Variants in PPP2R5D observed in about 807,000 individuals in gnomAD.
The protein encoded by PPP2R5D is protein phosphatase 2 regulatory subunit B'delta, also known as serine/threonine-protein phosphatase 2A 56 kDa regulatory subunit delta isoform.
In PPP2R5D, 12 loss-of-function variants were observed where a neutral mutation model predicts 79.1. The ratio of observed to expected loss-of-function variants is 0.15; its 90% CI spans 0.10 to 0.25. The LOEUF is 0.25. Among genes scored for constraint, PPP2R5D ranks in the 10% least tolerant of loss-of-function variants. The pLI, the probability that PPP2R5D is intolerant of heterozygous loss-of-function variation, is 1.00. For missense variants in PPP2R5D, 419 were observed against 760.2 expected (o/e 0.55, Z 5.28); for synonymous variants, 277 against 286.6 (o/e 0.97, Z 0.34).
At chr6:42,992,647 C>A (rs1313628496) in intron 2 of PPP2R5D, among the ~76,000 whole-genome samples, 1 of 151,862 alleles carries the variant, frequency 6.6e-6, no homozygotes, top group African/African-American at 2.4e-5. Flanking sequence ...GACCCTGTCT[C>A]TACAAAAAAA....
rs372983071 is a variant in PPP2R5D at position 43,011,298 on chromosome 6, C to G, written c.*12C>G. ...AGGAGGCTCTCTGACCCCTCACGTTCCTACCACAGGGCCACAGCCCACACA... is the reference window on the plus strand; with the variant it reads ...AGGAGGCTCTCTGACCCCTCACGTTGCTACCACAGGGCCACAGCCCACACA... On this transcript the variant is annotated 3_prime_UTR_variant, in exon 16 of 16. Transcript: ENST00000485511. 422 of 1,613,378 alleles carry G rather than the reference C, an allele frequency of 2.6e-4. No individual in the cohort carries two copies. The highest frequency in any genetic ancestry group is 3.3e-4 in the Non-Finnish European group (391 of 1,179,934).
intron 2 of PPP2R5D, among the ~76,000 whole-genome samples, chr6:42,998,945 G>T (rs963031922): frequency 6.6e-6 from 1 of 152,196 alleles, no homozygotes; most frequent in African/African-American, 2.4e-5. Flanking sequence ...TCAGGCAGGC[G>T]AATCGTTTGA....
At position 43,006,303 on chromosome 6, in the gene PPP2R5D, C is replaced by T. The variant is rs573626981; in HGVS notation, c.106-160C>T. 1,161 of 1,319,892 alleles carry T rather than the reference C, an allele frequency of 8.8e-4. 3 individuals are homozygous for T. The highest frequency in any genetic ancestry group is 6.3e-4 in the Non-Finnish European group (625 of 993,510). The allele number at this position is 1,319,892 out of a possible 1,614,324, so 81.8% of individuals were successfully genotyped here. A position where few individuals can be genotyped will look rare whatever the true frequency, so the allele number is the denominator to read the frequency against. On this transcript the variant is annotated intron_variant, in intron 2 of 15. Coordinates refer to ENST00000485511, the MANE Select transcript of PPP2R5D (RefSeq NM_006245.4). This position sits in a 1 kb window ranked among gnomAD's most constrained non-coding sequence, Gnocchi z 4.7. ...TGACTGCTCCCTGCCAGGGCTACAG[C>T]ACAGTTATCTCTGTAACCCTGGCCT... is the stretch of plus-strand genomic sequence containing the variant.
rs200733711 is a variant in PPP2R5D at position 43,009,278 on chromosome 6, G to T, written c.1252-44G>T. On this transcript the variant is annotated intron_variant, in intron 11 of 15. Coordinates refer to ENST00000485511, the MANE Select transcript of PPP2R5D (RefSeq NM_006245.4). The surrounding 1 kb of genome is among the most constrained non-coding windows in gnomAD (Gnocchi z 5.6). ...AGCCCCTGCCAGAAACTGAGGTCTT[G>T]AGTGAAATGAGCAGCACCCACCGAG... The T allele has an allele frequency of 1.9e-5, 30 of 1,613,940 alleles. 2 individuals are homozygous for T. In the East Asian group the frequency reaches 2.5e-4, roughly 13 times the overall value.
intron 2 of PPP2R5D, among the ~76,000 whole-genome samples, chr6:43,002,982 G>A (rs1321893773): frequency 6.6e-6 from 1 of 152,144 alleles, no homozygotes; most frequent in Admixed American, 6.6e-5. Context: ...CTGTGGTTTA[G>A]CTTCTTTCCT....
At chr6:42,987,961 C>T (rs1291896071) in intron 1 of PPP2R5D, among the ~76,000 whole-genome samples, 1 of 152,092 alleles carries the variant, frequency 6.6e-6, no homozygotes, top group East Asian at 1.9e-4. Flanking sequence ...ACCCTGCCCC[C>T]GGCCTATTTC....
At chr6:42,993,602 C>T (rs890773690) in intron 2 of PPP2R5D, among the ~76,000 whole-genome samples, 33 of 152,370 alleles carry the variant, frequency 2.2e-4, no homozygotes, top group African/African-American at 7.0e-4. Flanking sequence ...ACATCTCTCT[C>T]CTAGATTCTG....
At chr6:42,986,476 T>C (rs1467187913) in intron 1 of PPP2R5D, among the ~76,000 whole-genome samples, 1 of 152,166 alleles carries the variant, frequency 6.6e-6, no homozygotes, top group African/African-American at 2.4e-5. Context: ...TTCTGAGTTG[T>C]CCCCTTAACC....
Position 42,984,825 on chromosome 6 carries a change from C to T in PPP2R5D, c.27+121C>T, listed in dbSNP as rs1053846579. The T allele has an allele frequency of 6.2e-6, 9 of 1,442,936 alleles. No individual in the cohort carries two copies. In the African/African-American group the frequency reaches 1.0e-4, roughly 16 times the overall value. The allele number at this position is 1,442,936 out of a possible 1,614,324, so 89.4% of individuals were successfully genotyped here. On this transcript the variant is annotated intron_variant, in intron 1 of 15. Coordinates refer to ENST00000485511, the MANE Select transcript of PPP2R5D (RefSeq NM_006245.4). Reference sequence around the variant, plus strand: ...CTCCCGTCCAGCCCCCGCAGGACTCCTGGGGCCAGCCCTCCGCCCCCGCGG... The same window carrying T: ...CTCCCGTCCAGCCCCCGCAGGACTCTTGGGGCCAGCCCTCCGCCCCCGCGG...
At chr6:42,997,590 A>G (rs903014271) in intron 2 of PPP2R5D, among the ~76,000 whole-genome samples, 2 of 151,980 alleles carry the variant, frequency 1.3e-5, no homozygotes. Flanking sequence ...GCTCACTGCA[A>G]TATCTACCTC....
chr6:42,984,715 C>T lies in PPP2R5D; in HGVS notation c.27+11C>T. On this transcript the variant is annotated intron_variant, in intron 1 of 15. Transcript: ENST00000485511. ...CTGAAAAAGGAGAAGGTGAGCGTGG[C>T]CCTTTTTCCCCCACCGCCGCCTTGG... 1 of 1,612,072 alleles carries T rather than the reference C, an allele frequency of 6.2e-7. No individual in the cohort carries two copies. The highest frequency in any genetic ancestry group is 8.5e-7 in the Non-Finnish European group (1 of 1,179,130).
At chr6:42,993,485 C>A (rs1205464753) in intron 2 of PPP2R5D, among the ~76,000 whole-genome samples, 2 of 151,962 alleles carry the variant, frequency 1.3e-5, no homozygotes, top group Non-Finnish European at 2.9e-5. Context: ...AAACAAAAAA[C>A]AAACAAAAAA....
chr6:43,007,038 C>T lies in PPP2R5D; in HGVS notation c.450C>T (p.Asn150=), dbSNP rs778002271. ...KFKEVKRAGL[N]EMVEYITHSR... is the part of the protein sequence containing the mutation. ...AGGAGGTGAAGCGGGCAGGACTCAA[C>T]GAGATGGTGGAGTACATCACCCATA... Residue 150 remains asparagine (N), a synonymous_variant, in exon 4 of 16, where the codon AAC becomes AAT. Coordinates refer to ENST00000485511, the MANE Select transcript of PPP2R5D (RefSeq NM_006245.4). This position sits in a 1 kb window ranked among gnomAD's most constrained non-coding sequence, Gnocchi z 4.5. 1.1e-5 allele frequency: 17 copies of T among 1,613,988 alleles called. No homozygotes were observed. Among genetic ancestry groups the T allele is most frequent in the African/African-American group, 5.3e-5 (4 of 74,902 alleles).
At position 43,010,416 on chromosome 6, in the gene PPP2R5D, C is replaced by T. The variant is rs190104780; in HGVS notation, c.1380-52C>T. 8.8e-4 allele frequency: 1,339 copies of T among 1,518,154 alleles called. 1 individual carries two copies. The highest frequency in any genetic ancestry group is 1.1e-3 in the African/African-American group (82 of 72,918). 94.0% of individuals were successfully genotyped at this position (1,518,154 alleles called of 1,614,324 possible). On this transcript the variant is annotated intron_variant, in intron 12 of 15. Transcript: ENST00000485511. This position sits in a 1 kb window ranked among gnomAD's most constrained non-coding sequence, Gnocchi z 4.7. ...GTGAGAGAACAAATTGGGTTCCTCA[C>T]GCTAAGGGCAGGCTCTGGCCTCCTA...
At chr6:43,002,043 T>C (rs1473844847) in intron 2 of PPP2R5D, among the ~76,000 whole-genome samples, 2 of 152,082 alleles carry the variant, frequency 1.3e-5, no homozygotes, top group Non-Finnish European at 2.9e-5. Flanking sequence ...ATGAGAAAAC[T>C]GAGGTGCAGA....
At position 43,009,852 on chromosome 6, in the gene PPP2R5D, G is replaced by A. The variant is rs1762264828; in HGVS notation, c.1379+403G>A. On this transcript the variant is annotated intron_variant, in intron 12 of 15. Coordinates refer to ENST00000485511, the MANE Select transcript of PPP2R5D (RefSeq NM_006245.4). The surrounding 1 kb of genome is among the most constrained non-coding windows in gnomAD (Gnocchi z 5.6). The stretch of plus-strand genomic sequence containing the variant: ...GAGGCTGGCAAGGCGGGTGGATCAC[G>A]AGGTCAGGAGTTTGAGACCAGCCTG... Among the ~76,000 whole-genome samples, 1 of 152,128 alleles carries A rather than the reference G, an allele frequency of 6.6e-6. No individual in the cohort carries two copies. The highest frequency in any genetic ancestry group is 1.5e-5 in the Non-Finnish European group (1 of 68,028).
chr6:42,986,152 C>T (rs979436520), intron 1 of PPP2R5D, among the ~76,000 whole-genome samples: 11 of 152,124 alleles, frequency 7.2e-5, no homozygotes, highest in African/African-American at 2.2e-4. Flanking sequence ...GCTCCTCATC[C>T]GTGCCTTTTT....
chr6:42,993,326 C>G (rs147494479), intron 2 of PPP2R5D, among the ~76,000 whole-genome samples: 1 of 151,420 alleles, frequency 6.6e-6, no homozygotes, highest in Non-Finnish European at 1.5e-5. Flanking sequence ...AAAAATTAGC[C>G]GGGCGTAGTG....
At chr6:42,993,331 G>A (rs1375613694) in intron 2 of PPP2R5D, among the ~76,000 whole-genome samples, 10 of 150,744 alleles carry the variant, frequency 6.6e-5, no homozygotes, top group East Asian at 5.9e-4. Context: ...TTAGCCGGGC[G>A]TAGTGGTGGC....
Sources: gnomAD v4.1 joint callset for allele counts (sites outside exome capture counted in the v4.1 genomes callset) on GRCh38, gnomAD v4.1.1 for gene constraint, Gnocchi (gnomAD v3.1) non-coding constraint, MANE v1.5 for transcripts, NCBI Gene and HGNC (gene_info 2026-07-23, HGNC 2026-07-21) for gene names.